The following KLF12 variants were observed in gnomAD, a reference collection of about 807,000 sequenced individuals.
KLF12 encodes the protein Krueppel-like factor 12.
Under a neutral mutation model 37.8 loss-of-function variants are expected in KLF12, and 9 were observed. The observed-to-expected ratio is 0.24, with a 90% CI of 0.14 to 0.42. The LOEUF is 0.42. Among genes scored for constraint, KLF12 ranks in the 10% least tolerant of loss-of-function variants. The pLI is 1.00. For synonymous variants in KLF12, 208 were observed against 202.1 expected (o/e 1.03, Z -0.25); for missense variants, 411 against 516.0 (o/e 0.80, Z 1.97).
At chr13:74,203,691 T>G in the KLF12 span, among the ~76,000 whole-genome samples, 2 of 152,218 alleles carry the variant, frequency 1.3e-5, no homozygotes, top group African/African-American at 4.8e-5. Flanking sequence ...GTTTAAAATG[T>G]CCTTCCCCTA....
At position 73,851,302 on chromosome 13, in the gene KLF12, C is replaced by A. The variant is rs112732236; in HGVS notation, c.124-4929G>T. On this transcript the variant is annotated intron_variant, in intron 3 of 7. Transcript: ENST00000377669. ...CAGAATCTCATAAATACAGTCATTG[C>A]GGAGGCACAGTGTTTACTGAACCAA... Among the ~76,000 whole-genome samples the A allele has an allele frequency of 2.8e-3, 419 of 152,208 alleles. 1 individual carries two copies. Among genetic ancestry groups the A allele is most frequent in the African/African-American group, 9.6e-3 (400 of 41,528 alleles).
At chr13:74,102,827 T>C (rs1002988356) in intron 1 of KLF12, among the ~76,000 whole-genome samples, 2 of 152,174 alleles carry the variant, frequency 1.3e-5, no homozygotes, top group East Asian at 1.9e-4. Flanking sequence ...TTGGTGAGTA[T>C]GAAAAGACGT....
At chr13:73,869,650 T>C (rs1008498886) in intron 3 of KLF12, among the ~76,000 whole-genome samples, 1 of 151,806 alleles carries the variant, frequency 6.6e-6, no homozygotes, top group Non-Finnish European at 1.5e-5. Flanking sequence ...ATATGCTGAG[T>C]ATATATAATA....
chr13:73,702,694 A>G (rs1484639570), intron 7 of KLF12, among the ~76,000 whole-genome samples: 2 of 152,170 alleles, frequency 1.3e-5, no homozygotes, highest in African/African-American at 4.8e-5. Flanking sequence ...GGCCCCAGAC[A>G]CTGACAAATG....
chr13:73,767,054 G>A (rs1341810560), intron 5 of KLF12, among the ~76,000 whole-genome samples: 1 of 152,110 alleles, frequency 6.6e-6, no homozygotes, highest in Non-Finnish European at 1.5e-5. Context: ...AATCAACAAA[G>A]CTTTATTTCT....
the KLF12 span, among the ~76,000 whole-genome samples, chr13:74,159,433 G>A: frequency 1.3e-5 from 2 of 152,124 alleles, no homozygotes; most frequent in African/African-American, 4.8e-5. Flanking sequence ...AATAAATAAA[G>A]GAAGTGTATA....
chr13:74,200,766 C>G, the KLF12 span, among the ~76,000 whole-genome samples: 1 of 151,980 alleles, frequency 6.6e-6, no homozygotes, highest in African/African-American at 2.4e-5. Flanking sequence ...CACCTCTGCT[C>G]CGGAAAAACT....
At chr13:73,753,326 C>G (rs9565038) in intron 6 of KLF12, among the ~76,000 whole-genome samples, 88,199 of 151,962 alleles carry the variant, frequency 0.58, 28,397 homozygotes, top group East Asian at 0.85. Context: ...GTGCCCAGAC[C>G]CTCACCCAGA....
chr13:73,916,246 C>CACACACACAT (rs1491519733), intron 3 of KLF12, among the ~76,000 whole-genome samples: 4 of 33,062 alleles, frequency 1.2e-4, no homozygotes, highest in African/African-American at 3.4e-4. Context: ...CACACGCACA[C>CACACACACAT]GCACACACAC....
chr13:73,832,116 G>C (rs911319896), intron 4 of KLF12, among the ~76,000 whole-genome samples: 6 of 152,166 alleles, frequency 3.9e-5, no homozygotes. Flanking sequence ...ATGTAATGTA[G>C]ACAACATATT....
In KLF12 at chr13:74,002,686, T is replaced by C. The variant is rs145671865; in HGVS notation, c.-31-7633A>G. On this transcript the variant is annotated intron_variant, in intron 1 of 7. Transcript: ENST00000377669. The stretch of plus-strand genomic sequence containing the variant: ...CCTGGTCTGACTCTTACTATAAGAA[T>C]CAAAAACGACTCCTTTAAAAATGGA... Among the ~76,000 whole-genome samples the C allele has an allele frequency of 1.1e-3, 160 of 148,572 alleles. 1 individual carries two copies. The highest frequency in any genetic ancestry group is 3.3e-3 in the African/African-American group (133 of 40,678).
At chr13:73,733,082 A>G (rs554375856) in intron 6 of KLF12, among the ~76,000 whole-genome samples, 1 of 152,234 alleles carries the variant, frequency 6.6e-6, no homozygotes, top group South Asian at 2.1e-4. Flanking sequence ...ATAGGATCTA[A>G]CTGGAATCCC....
chr13:73,973,734 A>G (rs538566012), intron 2 of KLF12, among the ~76,000 whole-genome samples: 27 of 152,290 alleles, frequency 1.8e-4, no homozygotes, highest in Non-Finnish European at 3.5e-4. Flanking sequence ...GTAAAGAAAG[A>G]AGAAATGAAA....
intron 1 of KLF12, among the ~76,000 whole-genome samples, chr13:74,100,564 C>G (rs1485206233): frequency 6.6e-6 from 1 of 151,914 alleles, no homozygotes; most frequent in Admixed American, 6.6e-5. Flanking sequence ...TTGCAGTGAG[C>G]CAAGATCATG....
At chr13:73,754,999 G>A (rs182825431) in intron 6 of KLF12, among the ~76,000 whole-genome samples, 4 of 152,226 alleles carry the variant, frequency 2.6e-5, no homozygotes, top group Non-Finnish European at 5.9e-5. Flanking sequence ...ACAAATAAAT[G>A]CCTTATGGAC....
At chr13:73,894,300 T>G (rs559946680) in intron 3 of KLF12, among the ~76,000 whole-genome samples, 34 of 152,312 alleles carry the variant, frequency 2.2e-4, no homozygotes, top group Non-Finnish European at 2.8e-4. Flanking sequence ...TGCACACCAA[T>G]GTATATGGGT....
intron 6 of KLF12, among the ~76,000 whole-genome samples, chr13:73,719,296 A>C (rs1876048834): frequency 6.6e-6 from 1 of 152,160 alleles, no homozygotes; most frequent in Non-Finnish European, 1.5e-5. Flanking sequence ...GTCGGCGGGC[A>C]CTGCAAGTGG....
rs546695781 is a variant in KLF12, at chr13:74,078,480, T to C, written c.-32+55259A>G. On this transcript the variant is annotated intron_variant, in intron 1 of 7. Transcript: ENST00000377669. ...TTAAAACTGTTACAAGGCATAATTA[T>C]AAATGGCCATACATTTAACACTGTT... 5.9e-5 allele frequency among the ~76,000 whole-genome samples: 9 copies of C among 152,356 alleles called. No homozygotes were observed. The East Asian group carries it at 1.7e-3, about 29-fold the overall frequency.
At chr13:74,282,153 G>C in the KLF12 span, among the ~76,000 whole-genome samples, 151 of 152,236 alleles carry the variant, frequency 9.9e-4, no homozygotes, top group Non-Finnish European at 1.7e-3. Context: ...CAAGCTCCAG[G>C]CTCCTCTGTG....
Sources: gnomAD v4.1 joint callset for allele counts (sites outside exome capture counted in the v4.1 genomes callset) on GRCh38, gnomAD v4.1.1 for gene constraint, MANE v1.5 for transcripts, NCBI Gene and HGNC (gene_info 2026-07-23, HGNC 2026-07-21) for gene names.